Variants in PTPRK observed in about 807,000 individuals in gnomAD.
PTPRK encodes the protein receptor-type tyrosine-protein phosphatase kappa.
PTPRK carries 75 observed loss-of-function variants against 178.0 expected under a neutral mutation model. The ratio of observed to expected loss-of-function variants is 0.42; its 90% confidence interval spans 0.35 to 0.51. PTPRK has a LOEUF of 0.51. Among genes scored for constraint, PTPRK ranks in the 20% least tolerant of loss-of-function variants. The pLI is 0.02. For synonymous variants in PTPRK, 637 were observed against 620.6 expected (o/e 1.03, Z -0.39); for missense variants, 1,441 against 1,797.8 (o/e 0.80, Z 3.59).
At chr6:128,499,425 A>T (rs1335253563) in intron 1 of PTPRK, among the ~76,000 whole-genome samples, 1 of 152,262 alleles carries the variant, frequency 6.6e-6, no homozygotes, top group Non-Finnish European at 1.5e-5. Context: ...TATCCAACAT[A>T]AATTACCCAG....
chr6:128,141,023 C>A (rs1335044561), intron 7 of PTPRK, among the ~76,000 whole-genome samples: 1 of 151,870 alleles, frequency 6.6e-6, no homozygotes, highest in Non-Finnish European at 1.5e-5. Context: ...ATAACTTGCA[C>A]CTTTACACAT....
chr6:128,514,000 C>G (rs146448108), intron 1 of PTPRK, among the ~76,000 whole-genome samples: 1 of 152,294 alleles, frequency 6.6e-6, no homozygotes, highest in African/African-American at 2.4e-5. Context: ...AGGTCACCTC[C>G]ACTATCCAAC....
intron 2 of PTPRK, among the ~76,000 whole-genome samples, chr6:128,375,536 A>G (rs1275387350): frequency 1.3e-5 from 2 of 152,168 alleles, no homozygotes; most frequent in Non-Finnish European, 2.9e-5. Context: ...TGGGAGCTAC[A>G]AGATGAGATT....
intron 1 of PTPRK, among the ~76,000 whole-genome samples, chr6:128,443,041 C>T (rs1199097884): frequency 6.6e-6 from 1 of 151,644 alleles, no homozygotes; most frequent in Non-Finnish European, 1.5e-5. Flanking sequence ...TAAAATAAAG[C>T]TGACAAATCA....
chr6:128,080,750 G>C (rs1165077439), intron 10 of PTPRK, among the ~76,000 whole-genome samples: 1 of 151,888 alleles, frequency 6.6e-6, no homozygotes, highest in Non-Finnish European at 1.5e-5. Context: ...GAATAAATTT[G>C]ACAATAAATT....
chr6:128,200,855 G>A (rs1805784404), intron 6 of PTPRK, among the ~76,000 whole-genome samples: 1 of 131,388 alleles, frequency 7.6e-6, no homozygotes, highest in East Asian at 2.4e-4. Context: ...GAGGGGGGGA[G>A]GAGGAGGGGG....
At chr6:128,263,053 C>G (rs1414998766) in intron 3 of PTPRK, among the ~76,000 whole-genome samples, 1 of 151,998 alleles carries the variant, frequency 6.6e-6, no homozygotes, top group African/African-American at 2.4e-5. Flanking sequence ...TGATGAGCTT[C>G]CTTGCCTCCA....
chr6:128,409,977 A>G (rs746531942), intron 1 of PTPRK, among the ~76,000 whole-genome samples: 2 of 152,196 alleles, frequency 1.3e-5, no homozygotes, highest in Non-Finnish European at 2.9e-5. Flanking sequence ...AAATGTACTA[A>G]GAAAAATAAG....
chr6:128,278,544 T>C (rs906228325), intron 3 of PTPRK, among the ~76,000 whole-genome samples: 1 of 152,288 alleles, frequency 6.6e-6, no homozygotes, highest in African/African-American at 2.4e-5. Context: ...GAGAGCTGGA[T>C]AATAACAAAG....
intron 9 of PTPRK, among the ~76,000 whole-genome samples, chr6:128,083,295 T>C (rs1349799385): frequency 2.0e-5 from 3 of 152,088 alleles, no homozygotes; most frequent in Non-Finnish European, 4.4e-5. Flanking sequence ...TTATAATCTA[T>C]TTTGCTTTTT....
intron 13 of PTPRK, among the ~76,000 whole-genome samples, chr6:128,059,666 C>T (rs370364204): frequency 3.3e-5 from 5 of 152,078 alleles, no homozygotes; most frequent in East Asian, 1.9e-4. Flanking sequence ...CTCCCGTAGA[C>T]GTGGCCATAA....
chr6:128,051,900 A>C (rs1000380493), intron 13 of PTPRK, among the ~76,000 whole-genome samples: 11 of 151,776 alleles, frequency 7.2e-5, no homozygotes, highest in African/African-American at 2.7e-4. Flanking sequence ...CTTTGTTTCT[A>C]GTGTTTTCTG....
intron 6 of PTPRK, among the ~76,000 whole-genome samples, chr6:128,211,387 A>G (rs972106135): frequency 1.3e-5 from 2 of 152,052 alleles, no homozygotes; most frequent in African/African-American, 4.8e-5. Flanking sequence ...TTGACCTTAT[A>G]CTTGGTTTTA....
intron 13 of PTPRK, among the ~76,000 whole-genome samples, chr6:128,042,420 A>C (rs1436011570): frequency 6.6e-6 from 1 of 151,984 alleles, no homozygotes; most frequent in African/African-American, 2.4e-5. Flanking sequence ...CTTTTTCTAC[A>C]GACTCAAGGG....
intron 6 of PTPRK, among the ~76,000 whole-genome samples, chr6:128,203,466 T>C (rs1316343522): frequency 6.6e-6 from 1 of 152,178 alleles, no homozygotes; most frequent in African/African-American, 2.4e-5. Flanking sequence ...AGTATTTGAA[T>C]AGGAAGAGAG....
chr6:128,142,361 CA>C (rs2114515580), intron 7 of PTPRK, among the ~76,000 whole-genome samples: 1 of 151,694 alleles, frequency 6.6e-6, no homozygotes, highest in Admixed American at 6.6e-5. Context: ...AGATCTTGCA[CA>C]GATAGATTAA....
At chr6:127,996,813 A>G (rs1777202534) in intron 17 of PTPRK, 88 bp downstream of exon 17, 3 of 1,449,510 alleles carry the variant, frequency 2.1e-6, no homozygotes, top group African/African-American at 1.4e-5. Context: ...TCATAAACAG[A>G]CACACCACTC....
chr6:128,347,363 C>T (rs74925568), intron 2 of PTPRK, among the ~76,000 whole-genome samples: 1,978 of 152,154 alleles, frequency 0.013, 38 homozygotes, highest in African/African-American at 0.045. Context: ...TCTTATCATA[C>T]GGCATCACAA....
At chr6:128,100,803 G>A (rs71565678) in intron 7 of PTPRK, among the ~76,000 whole-genome samples, 1 of 151,982 alleles carries the variant, frequency 6.6e-6, no homozygotes, top group Non-Finnish European at 1.5e-5. Flanking sequence ...GCTCGAGCCA[G>A]TCTACAGGGT....
Sources: allele counts gnomAD v4.1 joint callset (sites outside exome capture counted in the v4.1 genomes callset), GRCh38; gene constraint gnomAD v4.1.1; transcripts MANE v1.5; gene names NCBI Gene and HGNC (gene_info 2026-07-23, HGNC 2026-07-21).